Variants in C6orf120 observed in about 807,000 individuals in gnomAD.
C6orf120 encodes the protein chromosome 6 open reading frame 120.
For missense variants in C6orf120, 311 were observed against 264.2 expected, an observed-to-expected ratio of 1.18 and a Z score of -1.23; for synonymous variants, 165 against 123.1, an observed-to-expected ratio of 1.34 and a Z score of -2.25.
exon 1 of C6orf120, chr6:169,703,569 T>TGTACCAGTCCA: frequency 4.7e-6 from 1 of 214,914 alleles, no homozygotes; most frequent in Non-Finnish European, 1.0e-5. Context: ...AGTTTGTTCC[T>TGTACCAGTCCA]GTACCAGTCC....
exon 1 of C6orf120, chr6:169,702,536 C>T (rs745887584): frequency 2.2e-5 from 36 of 1,611,636 alleles, no homozygotes; most frequent in Non-Finnish European, 3.1e-5. Context: ...GTCCTGTCTC[C>T]GGGAAGCTGC....
At chr6:169,702,706 A>G (rs1788426395) in exon 1 of C6orf120, 3 of 1,613,516 alleles carry the variant, frequency 1.9e-6, no homozygotes, top group Non-Finnish European at 2.5e-6. Flanking sequence ...CGTCTCCGCC[A>G]GCAGCCTGCA....
At chr6:169,703,929 C>T (rs1788644867) in exon 1 of C6orf120, 1 of 1,207,582 alleles carries the variant, frequency 8.3e-7, no homozygotes, top group Non-Finnish European at 1.2e-6. Flanking sequence ...CTTTTATTGG[C>T]ATGAAAATAA....
exon 1 of C6orf120, chr6:169,704,063 C>G: frequency 6.3e-7 from 1 of 1,582,780 alleles, no homozygotes; most frequent in Non-Finnish European, 8.5e-7. Context: ...GGGGGGCCCG[C>G]TGACAACAGT....
chr6:169,702,520 T>C, exon 1 of C6orf120: 2 of 1,609,408 alleles, frequency 1.2e-6, no homozygotes, highest in Non-Finnish European at 1.7e-6. Context: ...GCTCCTAGCC[T>C]CGCAGGTCCT....
At chr6:169,702,165 G>A, upstream of C6orf120, 1 of 640,144 alleles carries the variant, frequency 1.6e-6, no homozygotes, top group Non-Finnish European at 2.9e-6. Context: ...GGGTCCGGAT[G>A]TATAAAGCGC....
At chr6:169,702,892 G>C in exon 1 of C6orf120, 1 of 1,611,988 alleles carries the variant, frequency 6.2e-7, no homozygotes, top group Non-Finnish European at 8.5e-7. Context: ...GCACCCGTTC[G>C]GCGAGGCCGC....
At position 169,702,809 on chromosome 6, in the gene C6orf120, G is replaced by C. The variant is rs201427999; in HGVS notation, c.350G>C (p.Gly117Ala). The C allele has an allele frequency of 8.1e-6, 13 of 1,612,884 alleles. No individual in the cohort carries two copies. In the East Asian group the frequency reaches 2.9e-4, roughly 36 times the overall value. Reference sequence around the variant, plus strand: ...CACTTCCGGCGCCCAGTGGGCATCGGCGTCTATGGACACCCCTCCCACCTG... The same window carrying C: ...CACTTCCGGCGCCCAGTGGGCATCGCCGTCTATGGACACCCCTCCCACCTG... The change falls in exon 1 of 1, where the codon GGC becomes GCC. Residue 117 changes from glycine (G) to alanine (A), a missense_variant. By Grantham distance (60) the Gly-to-Ala change is moderately conservative. Transcript: ENST00000332290.
exon 1 of C6orf120, chr6:169,704,304 G>A (rs1788694129): frequency 8.0e-6 from 4 of 502,030 alleles, no homozygotes. Flanking sequence ...CAAGGGGGAT[G>A]GGAGAGATGC....
rs1299017555 is a variant in C6orf120 at position 169,703,047 on chromosome 6, C to T, written c.*12C>T. ...AAATTCTCTTTTGAGTCGTTGACCACACTCTGGGATATAAAACCCTCCATC... is the reference window on the plus strand; with the variant it reads ...AAATTCTCTTTTGAGTCGTTGACCATACTCTGGGATATAAAACCCTCCATC... On this transcript the variant is annotated 3_prime_UTR_variant, in exon 1 of 1. Transcript: ENST00000332290. 3 of 1,538,840 alleles carry T rather than the reference C, an allele frequency of 1.9e-6. No homozygotes were observed. In the Admixed American group the frequency reaches 5.9e-5, roughly 30 times the overall value.
exon 1 of C6orf120, chr6:169,704,609 G>A (rs921914497): frequency 5.9e-6 from 1 of 169,392 alleles, no homozygotes; most frequent in Non-Finnish European, 1.4e-5. Flanking sequence ...AAACTTCGTT[G>A]TAGGCATATA....
chr6:169,703,681 A>G (rs1473711618), exon 1 of C6orf120: 2 of 326,844 alleles, frequency 6.1e-6, no homozygotes, highest in Non-Finnish European at 1.2e-5. Flanking sequence ...AGTGCTACCT[A>G]TGGTAGGCCG....
exon 1 of C6orf120, chr6:169,704,536 C>T (rs575899123): frequency 1.1e-5 from 2 of 174,298 alleles, no homozygotes; most frequent in South Asian, 4.0e-4. Context: ...ATAACTTGTA[C>T]TACATACTTG....
exon 1 of C6orf120, chr6:169,703,283 T>C: frequency 1.9e-6 from 1 of 537,824 alleles, no homozygotes; most frequent in East Asian, 3.2e-5. Context: ...CCATTTTCAT[T>C]AGGCAGGTTG....
At chr6:169,703,029 C>T (rs774247533) in exon 1 of C6orf120, 11 of 1,549,878 alleles carry the variant, frequency 7.1e-6, no homozygotes, top group Non-Finnish European at 9.6e-6. Context: ...TTGAAATTCT[C>T]TTTTGAGTCG....
At chr6:169,702,684 T>G (rs760242279) in exon 1 of C6orf120, 2 of 1,613,500 alleles carry the variant, frequency 1.2e-6, no homozygotes, top group Non-Finnish European at 1.7e-6. Flanking sequence ...TCAAGGGAGA[T>G]GCGGATCTGT....
downstream of C6orf120, chr6:169,704,961 T>G (rs140331004): frequency 1.2e-3 from 515 of 437,892 alleles, 6 homozygotes; most frequent in African/African-American, 9.9e-3. Context: ...TAGTTGGAAT[T>G]GTCTAGGGAT....
exon 1 of C6orf120, chr6:169,702,318 GGACAGTCCCAGC>G: frequency 1.5e-6 from 1 of 651,350 alleles, no homozygotes; most frequent in South Asian, 1.7e-5. Context: ...GGGTGGGAAG[GGACAGTCCCAGC>G]GACAGACCAG....
At chr6:169,702,994 T>C in exon 1 of C6orf120, 1 of 1,578,618 alleles carries the variant, frequency 6.3e-7, no homozygotes, top group Non-Finnish European at 8.6e-7. Flanking sequence ...CTGGACGATA[T>C]TAATTAGCAT....
Sources: gnomAD v4.1 joint callset for allele counts on GRCh38, gnomAD v4.1.1 for gene constraint, MANE v1.5 for transcripts, NCBI Gene and HGNC (gene_info 2026-07-23, HGNC 2026-07-21) for gene names.